The following ASAP1 variants were observed in gnomAD, a reference collection of about 807,000 sequenced individuals.
The protein encoded by ASAP1 is arf-GAP with SH3 domain, ANK repeat and PH domain-containing protein 1.
In ASAP1, 43 loss-of-function variants were observed where a neutral mutation model predicts 145.2. The ratio of observed to expected loss-of-function variants is 0.30; its 90% confidence interval spans 0.23 to 0.38. The LOEUF is 0.38. Among genes scored for constraint, ASAP1 ranks in the 10% least tolerant of loss-of-function variants. The pLI is 1.00. For synonymous variants in ASAP1, 546 were observed against 515.5 expected (o/e 1.06, Z -0.80); for missense variants, 1,018 against 1,355.3 (o/e 0.75, Z 3.91).
chr8:130,258,866 G>C (rs1469971988), intron 3 of ASAP1, among the ~76,000 whole-genome samples: 2 of 152,150 alleles, frequency 1.3e-5, no homozygotes, highest in Non-Finnish European at 2.9e-5. Flanking sequence ...TGCAAAACTG[G>C]AAATGTCCTT....
chr8:130,189,675 ACTGGGATTC>A lies in ASAP1; in HGVS notation c.406-1501_406-1493del, dbSNP rs1053083905. 9.2e-5 allele frequency among the ~76,000 whole-genome samples: 14 copies of A among 152,164 alleles called. 1 individual carries two copies. Among genetic ancestry groups the A allele is most frequent in the African/African-American group, 3.4e-4 (14 of 41,434 alleles). Reference sequence around the variant, plus strand: ...CTTTTCTTTTAGGTATATACCCAGCACTGGGATTCCTGGATCTTATGGTAGTTCTCTTTT... The same window carrying A: ...CTTTTCTTTTAGGTATATACCCAGCACTGGATCTTATGGTAGTTCTCTTTT... On this transcript the variant is annotated intron_variant, in intron 5 of 29. Coordinates refer to ENST00000518721, the MANE Select transcript of ASAP1 (RefSeq NM_018482.4).
At chr8:130,412,571 C>A (rs1829312195) in intron 1 of ASAP1, among the ~76,000 whole-genome samples, 1 of 152,066 alleles carries the variant, frequency 6.6e-6, no homozygotes, top group Non-Finnish European at 1.5e-5. Flanking sequence ...TTATAAATTA[C>A]CCAGTCTCCG....
chr8:130,229,813 G>C (rs1042197066), intron 4 of ASAP1, among the ~76,000 whole-genome samples: 5 of 152,142 alleles, frequency 3.3e-5, no homozygotes, highest in Non-Finnish European at 2.9e-5. Flanking sequence ...GGCAGAGGTG[G>C]GTGGATGGCT....
chr8:130,365,698 T>C (rs1826918306), intron 2 of ASAP1, among the ~76,000 whole-genome samples: 2 of 152,208 alleles, frequency 1.3e-5, no homozygotes, highest in South Asian at 4.1e-4. Flanking sequence ...TCCAAATATT[T>C]ATATTTATCC....
At chr8:130,437,183 G>A (rs1002436468) in intron 1 of ASAP1, among the ~76,000 whole-genome samples, 5 of 152,056 alleles carry the variant, frequency 3.3e-5, no homozygotes, top group African/African-American at 9.7e-5. Context: ...CTAAGCAGCT[G>A]AAGCCAATAT....
intron 10 of ASAP1, among the ~76,000 whole-genome samples, chr8:130,168,498 G>A (rs1167913679): frequency 2.6e-5 from 4 of 152,148 alleles, no homozygotes; most frequent in South Asian, 4.1e-4. Flanking sequence ...GCTGAGGCAC[G>A]AGAATTGCTT....
chr8:130,140,879 G>A (rs538651519), intron 13 of ASAP1, among the ~76,000 whole-genome samples: 2 of 152,338 alleles, frequency 1.3e-5, no homozygotes, highest in South Asian at 2.1e-4. Context: ...GAATACCAGA[G>A]GGGAGTGGTA....
In ASAP1 at chr8:130,189,824, GT is replaced by G. The variant is rs1158255173; in HGVS notation, c.406-1642del. Among the ~76,000 whole-genome samples the G allele has an allele frequency of 4.0e-5, 6 of 151,714 alleles. No homozygotes were observed. The East Asian group carries it at 9.6e-4, about 24-fold the overall frequency. Reference sequence around the variant, plus strand: ...TGCATCCTTGCTAGCATCCATTACTGTTTTTTTTATAAAAGCCATTTTAGCT... The same window carrying G: ...TGCATCCTTGCTAGCATCCATTACTGTTTTTTTATAAAAGCCATTTTAGCT... On this transcript the variant is annotated intron_variant, in intron 5 of 29. Transcript: ENST00000518721.
intron 7 of ASAP1, among the ~76,000 whole-genome samples, chr8:130,182,247 C>G (rs1390880453): frequency 6.6e-6 from 1 of 152,092 alleles, no homozygotes; most frequent in Non-Finnish European, 1.5e-5. Flanking sequence ...TTTCTTCTTC[C>G]TCCAGTGATC....
intron 13 of ASAP1, among the ~76,000 whole-genome samples, chr8:130,145,049 C>T (rs530950268): frequency 6.6e-5 from 10 of 152,306 alleles, no homozygotes; most frequent in African/African-American, 2.2e-4. Flanking sequence ...CCTGCTAAGA[C>T]GTGGCGCTGA....
chr8:130,290,117 T>C, intron 3 of ASAP1, among the ~76,000 whole-genome samples: 1 of 152,102 alleles, frequency 6.6e-6, no homozygotes, highest in East Asian at 1.9e-4. Flanking sequence ...AATAGCAACA[T>C]AAAAGGGTGG....
At chr8:130,304,515 G>A (rs373418546) in intron 3 of ASAP1, among the ~76,000 whole-genome samples, 42 of 152,154 alleles carry the variant, frequency 2.8e-4, no homozygotes, top group African/African-American at 9.2e-4. Context: ...CAACCTTCAC[G>A]CATCTGCACT....
At chr8:130,144,032 T>G (rs2097620324) in intron 13 of ASAP1, among the ~76,000 whole-genome samples, 1 of 152,234 alleles carries the variant, frequency 6.6e-6, no homozygotes, top group Non-Finnish European at 1.5e-5. Flanking sequence ...CAAAGCTCTC[T>G]TCACTTCCTA....
At chr8:130,072,410 CT>C (rs2097448676) in intron 27 of ASAP1, among the ~76,000 whole-genome samples, 1 of 152,098 alleles carries the variant, frequency 6.6e-6, no homozygotes, top group South Asian at 2.1e-4. Flanking sequence ...GGGGTTTCCC[CT>C]TTTGCTTGGC....
intron 3 of ASAP1, among the ~76,000 whole-genome samples, chr8:130,356,578 G>C (rs1041524057): frequency 3.3e-5 from 5 of 152,086 alleles, no homozygotes; most frequent in Non-Finnish European, 7.4e-5. Flanking sequence ...TTTACCTCTG[G>C]TTTTCAAACA....
chr8:130,270,812 C>G (rs535062013), intron 3 of ASAP1, among the ~76,000 whole-genome samples: 1 of 152,310 alleles, frequency 6.6e-6, no homozygotes, highest in Admixed American at 6.5e-5. Flanking sequence ...TTCTCTCTAC[C>G]TTTAAAAGCC....
Position 130,309,379 on chromosome 8 carries a change from G to C in ASAP1, c.186+48638C>G, listed in dbSNP as rs558284624. On this transcript the variant is annotated intron_variant, in intron 3 of 29. Transcript: ENST00000518721. ...TAACAGAGAGGTGATGGGTGGCAAG[G>C]TATCAGAGAAGACTTTGGGTGCTAT... Among the ~76,000 whole-genome samples, 5 of 152,260 alleles carry C rather than the reference G, an allele frequency of 3.3e-5. No individual in the cohort carries two copies. The South Asian group carries it at 1.0e-3, about 32-fold the overall frequency.
chr8:130,167,616 G>T lies in ASAP1; in HGVS notation c.829C>A (p.Gln277Lys), dbSNP rs775719438. The change falls in exon 11 of 30, where the codon CAG becomes AAG. Residue 277 changes from glutamine (Q) to lysine (K), a missense_variant. Gln to Lys is a moderately conservative substitution (Grantham distance 53). Transcript: ENST00000518721. ...TGTTTCTTTTCTTCATCCTGGGTCT[G>T]TTTTATCTATGAAAAAAAAATTACT... Reference protein sequence around the residue: ...KLAADLYNIKQTQDEEKKQLT... With the variant: ...KLAADLYNIKKTQDEEKKQLT... The T allele has an allele frequency of 6.2e-7, 1 of 1,604,706 alleles. No homozygotes were observed. Among genetic ancestry groups the T allele is most frequent in the South Asian group, 1.1e-5 (1 of 90,768 alleles).
intron 13 of ASAP1, among the ~76,000 whole-genome samples, chr8:130,143,300 G>C (rs1025644091): frequency 6.6e-6 from 1 of 151,822 alleles, no homozygotes; most frequent in African/African-American, 2.4e-5. Flanking sequence ...AAAGGAGACA[G>C]AGATAGTACA....
Sources: allele counts gnomAD v4.1 joint callset (sites outside exome capture counted in the v4.1 genomes callset), GRCh38; gene constraint gnomAD v4.1.1; transcripts MANE v1.5; gene names NCBI Gene and HGNC (gene_info 2026-07-23, HGNC 2026-07-21).